HSPH1: variants seen among roughly 807,000 people sequenced by gnomAD.
HSPH1 encodes heat shock protein 105 kDa.
Under a neutral mutation model 100.0 loss-of-function variants are expected in HSPH1, and 40 were observed. The observed-to-expected ratio is 0.40, with a 90% CI of 0.31 to 0.52. The LOEUF is 0.52. Ranked by LOEUF, HSPH1 falls within the 20% of genes least tolerant of loss-of-function variation. The pLI is 0.54. For missense variants in HSPH1, 876 were observed against 1,015.1 expected (o/e 0.86, Z 1.86); for synonymous variants, 403 against 344.0 (o/e 1.17, Z -1.90).
In HSPH1 at chr13:31,155,415, AC is replaced by A; in HGVS notation, c.306+98del. The A allele has an allele frequency of 3.4e-6, 3 of 892,788 alleles. No homozygotes were observed. The South Asian group carries it at 5.6e-5, about 17-fold the overall frequency. 55.3% of individuals were successfully genotyped at this position (892,788 alleles called of 1,614,324 possible). On this transcript the variant is annotated intron_variant, in intron 3 of 17. Transcript: ENST00000320027. ...TGAATAAAAAAAGAACAAAAAGACC[AC>A]CTGGTGTAATTAAGAAATTTAAGTA... is the stretch of plus-strand genomic sequence containing the variant.
chr13:31,148,924 A>G (rs1377162657), intron 8 of HSPH1, among the ~76,000 whole-genome samples: 1 of 152,148 alleles, frequency 6.6e-6, no homozygotes, highest in Non-Finnish European at 1.5e-5. Context: ...AAATGAAGCA[A>G]GCAATGGTAA....
At chr13:31,162,249 C>CGATCCTTA (rs1430384569), upstream of HSPH1, 127 of 708,748 alleles carry the variant, frequency 1.8e-4, 1 homozygote, top group Non-Finnish European at 2.4e-5. Context: ...AGGTGGTGTC[C>CGATCCTTA]GATCCTTAAC....
chr13:31,145,628 C>T lies in HSPH1; in HGVS notation c.1519G>A (p.Glu507Lys). Residue 507 changes from glutamate (E) to lysine (K), a missense_variant, in exon 11 of 18, where the codon GAA (glutamate) becomes AAA (lysine). By Grantham distance (56) the Glu-to-Lys change is moderately conservative. Transcript: ENST00000320027. ...TCCATGTCAGCTTCAGAAGACATTT[C>T]ATTCTCCTCAGTTGGGACTTTCTCC... ...MVEKVPTEEN[E>K]MSSEADMECL... 1 of 1,613,674 alleles carries T rather than the reference C, an allele frequency of 6.2e-7. No individual in the cohort carries two copies. The highest frequency in any genetic ancestry group is 8.5e-7 in the Non-Finnish European group (1 of 1,179,792).
intron 7 of HSPH1, among the ~76,000 whole-genome samples, chr13:31,150,489 T>C (rs999722501): frequency 2.6e-5 from 4 of 152,154 alleles, no homozygotes; most frequent in Non-Finnish European, 4.4e-5. Flanking sequence ...AGTGGCACAA[T>C]CATAGCTCAC....
intron 1 of HSPH1, among the ~76,000 whole-genome samples, chr13:31,160,714 CT>C (rs1466395016): frequency 1.3e-5 from 2 of 152,102 alleles, no homozygotes; most frequent in Non-Finnish European, 2.9e-5. Context: ...AATTTTTATT[CT>C]CTTTTAAATA....
intron 7 of HSPH1, among the ~76,000 whole-genome samples, chr13:31,150,666 T>C (rs1042286633): frequency 6.6e-6 from 1 of 152,204 alleles, no homozygotes; most frequent in Non-Finnish European, 1.5e-5. Flanking sequence ...GAAACGAGTT[T>C]TCAATTACTG....
At chr13:31,141,350 G>A (rs1289352699) in intron 12 of HSPH1, 91 bp from the exon 13 acceptor site, 11 of 1,046,726 alleles carry the variant, frequency 1.1e-5, no homozygotes, top group Admixed American at 2.6e-5. Context: ...TGATGACTTG[G>A]GCAAAAATAA....
chr13:31,142,601 T>C (rs543346521), intron 12 of HSPH1, among the ~76,000 whole-genome samples: 1 of 152,060 alleles, frequency 6.6e-6, no homozygotes, highest in African/African-American at 2.4e-5. Context: ...AACCTGATAG[T>C]ACCCAATTAA....
chr13:31,147,924 C>A, intron 10 of HSPH1, 35 bp downstream of exon 10: 1 of 1,534,154 alleles, frequency 6.5e-7, no homozygotes, highest in Non-Finnish European at 8.7e-7. Context: ...AAGTCTTTAA[C>A]TAAAAGAGTA....
chr13:31,160,108 C>T (rs1244396386), intron 1 of HSPH1, among the ~76,000 whole-genome samples: 1 of 152,234 alleles, frequency 6.6e-6, no homozygotes. Context: ...TTTGATTTCA[C>T]ACAGTAGTCC....
rs769135734 is a variant in HSPH1, at chr13:31,138,587, G to A, written c.2209-19C>T. 2.3e-5 allele frequency: 36 copies of A among 1,593,076 alleles called. No homozygotes were observed. The highest frequency in any genetic ancestry group is 3.1e-5 in the Non-Finnish European group (36 of 1,171,128). ...TCTCATCCTGAACAAAAATAACACG[G>A]TCATTCTGTAGAATTTATTGAACAA... On this transcript the variant is annotated intron_variant, in intron 16 of 17. Transcript: ENST00000320027.
chr13:31,141,016 C>T, intron 13 of HSPH1, 106 bp downstream of exon 13: 1 of 685,966 alleles, frequency 1.5e-6, no homozygotes, highest in African/African-American at 1.9e-5. Context: ...CTATATAAAA[C>T]TTGGGATGAG....
chr13:31,156,923 C>T (rs999851876), intron 2 of HSPH1, among the ~76,000 whole-genome samples: 3 of 152,116 alleles, frequency 2.0e-5, no homozygotes, highest in Admixed American at 6.5e-5. Context: ...GATTGAAAAG[C>T]CCCACTTCAG....
chr13:31,136,903 T>TA lies in HSPH1; in HGVS notation c.*414dup. On this transcript the variant is annotated 3_prime_UTR_variant, in exon 18 of 18. Transcript: ENST00000320027. The stretch of plus-strand genomic sequence containing the variant: ...TTATGAAGTCAGACTTAGTCTTGTT[T>TA]ATAAACATCCACACCCACACACATG... 1 of 219,588 alleles carries TA rather than the reference T, an allele frequency of 4.6e-6. No homozygotes were observed. The highest frequency in any genetic ancestry group is 5.7e-5 in the Admixed American group (1 of 17,476). The allele number at this position is 219,588 out of a possible 1,614,324, so 13.6% of individuals were successfully genotyped here.
intron 12 of HSPH1, among the ~76,000 whole-genome samples, chr13:31,142,015 C>G (rs542928712): frequency 1.3e-5 from 2 of 152,050 alleles, no homozygotes; most frequent in East Asian, 3.9e-4. Flanking sequence ...ATTTTCCAAG[C>G]CTTTGCTATG....
chr13:31,142,676 C>T (rs1412051182), intron 12 of HSPH1, among the ~76,000 whole-genome samples: 1 of 152,058 alleles, frequency 6.6e-6, no homozygotes, highest in Non-Finnish European at 1.5e-5. Flanking sequence ...GAGGAACCGT[C>T]TCCAAAGGGG....
At chr13:31,162,277 C>T (rs1956952123), upstream of HSPH1, 2 of 642,940 alleles carry the variant, frequency 3.1e-6, no homozygotes, top group Non-Finnish European at 5.3e-6. Context: ...GGAGGCTGGG[C>T]GGGCGGAGAC....
intron 2 of HSPH1, among the ~76,000 whole-genome samples, chr13:31,156,198 G>C (rs1329659870): frequency 6.6e-6 from 1 of 152,166 alleles, no homozygotes; most frequent in Non-Finnish European, 1.5e-5. Context: ...AGACCATCCT[G>C]GCTAACACGG....
At chr13:31,147,164 T>TA (rs1321998907) in intron 10 of HSPH1, among the ~76,000 whole-genome samples, 2 of 152,192 alleles carry the variant, frequency 1.3e-5, no homozygotes, top group Admixed American at 6.5e-5. Flanking sequence ...TTCCACACAG[T>TA]AACGAGTTAA....
Sources: gnomAD v4.1 joint callset for allele counts (sites outside exome capture counted in the v4.1 genomes callset) on GRCh38, gnomAD v4.1.1 for gene constraint, MANE v1.5 for transcripts, NCBI Gene and HGNC (gene_info 2026-07-23, HGNC 2026-07-21) for gene names.